F13A1: variants seen among roughly 807,000 people sequenced by gnomAD.
The protein encoded by F13A1 is FSF, A subunit.
In F13A1, 47 loss-of-function variants were observed where a neutral mutation model predicts 80.1. That is an observed-to-expected ratio of 0.59 (90% CI 0.46 to 0.75). The LOEUF is 0.75. F13A1 is among the 30% of genes least tolerant of loss of function. F13A1 has a pLI of 0.00. For missense variants in F13A1, 817 were observed against 930.4 expected (o/e 0.88, Z 1.59); for synonymous variants, 349 against 344.9 (o/e 1.01, Z -0.13).
chr6:6,240,335 G>GA (rs1273519918), intron 6 of F13A1, among the ~76,000 whole-genome samples: 2 of 152,070 alleles, frequency 1.3e-5, no homozygotes, highest in Non-Finnish European at 2.9e-5. Flanking sequence ...TACCATAAGA[G>GA]AAAAAAGATA....
At chr6:6,258,507 G>C (rs1470691356) in intron 4 of F13A1, among the ~76,000 whole-genome samples, 1 of 152,142 alleles carries the variant, frequency 6.6e-6, no homozygotes, top group Non-Finnish European at 1.5e-5. Flanking sequence ...GGGTGAATGT[G>C]TCTCTGCATT....
intron 3 of F13A1, among the ~76,000 whole-genome samples, chr6:6,285,720 A>T (rs1173863311): frequency 6.6e-6 from 1 of 152,246 alleles, no homozygotes; most frequent in Non-Finnish European, 1.5e-5. Context: ...GGCGACCATC[A>T]GGTGACGGTC....
intron 6 of F13A1, among the ~76,000 whole-genome samples, chr6:6,239,523 G>C (rs534207419): frequency 1.3e-5 from 2 of 152,058 alleles, no homozygotes; most frequent in Non-Finnish European, 2.9e-5. Context: ...TATAACTACC[G>C]ATATATGAAT....
At chr6:6,165,837 G>A (rs543551711) in intron 13 of F13A1, among the ~76,000 whole-genome samples, 70 of 152,366 alleles carry the variant, frequency 4.6e-4, no homozygotes, top group Middle Eastern at 3.4e-3. Flanking sequence ...ACCCTGCACA[G>A]CCTCGTTTTC....
At chr6:6,308,498 TAAAC>T (rs1397709753) in intron 2 of F13A1, among the ~76,000 whole-genome samples, 1 of 150,580 alleles carries the variant, frequency 6.6e-6, no homozygotes, top group African/African-American at 2.4e-5. Flanking sequence ...TCTTTTAAAA[TAAAC>T]AGTCTATTAT....
At position 6,165,078 on chromosome 6, in the gene F13A1, G is replaced by GC. The variant is rs779393050; in HGVS notation, c.1908+2379dup. 8.5e-5 allele frequency among the ~76,000 whole-genome samples: 13 copies of GC among 152,294 alleles called. No individual in the cohort carries two copies. The Middle Eastern group carries it at 0.01, about 120-fold the overall frequency. On this transcript the variant is annotated intron_variant, in intron 13 of 14. Transcript: ENST00000264870. ...GTTAAAGGACAGTTTATGGGATGAT[G>GC]CCCCATTCCACCTTTTTGAACAAAC...
At chr6:6,193,228 T>C (rs1761233089) in intron 10 of F13A1, among the ~76,000 whole-genome samples, 1 of 152,204 alleles carries the variant, frequency 6.6e-6, no homozygotes. Flanking sequence ...CATACCCCTC[T>C]TCTTTTTAGG....
In F13A1 at chr6:6,230,728, G is replaced by A. The variant is rs563438588; in HGVS notation, c.799-5868C>T. 3.9e-5 allele frequency among the ~76,000 whole-genome samples: 6 copies of A among 152,264 alleles called. No individual in the cohort carries two copies. In the South Asian group the frequency reaches 6.2e-4, roughly 16 times the overall value. ...CCTCCACCGGAATAGGCGCTATTCC[G>A]GTGGCTGAGAGGGACCCAGAGATGG... On this transcript the variant is annotated intron_variant, in intron 6 of 14. Transcript: ENST00000264870.
intron 14 of F13A1, among the ~76,000 whole-genome samples, chr6:6,149,096 T>C (rs1760330568): frequency 6.6e-6 from 1 of 151,980 alleles, no homozygotes; most frequent in Non-Finnish European, 1.5e-5. Context: ...GGTTGGCCAA[T>C]GAGAACAAAG....
chr6:6,194,625 G>A (rs1414401613), intron 10 of F13A1, among the ~76,000 whole-genome samples: 1 of 152,128 alleles, frequency 6.6e-6, no homozygotes, highest in Non-Finnish European at 1.5e-5. Context: ...TCATATGAAT[G>A]CAGATCTGTG....
intron 2 of F13A1, among the ~76,000 whole-genome samples, chr6:6,310,068 C>A (rs1758568635): frequency 6.6e-6 from 1 of 152,156 alleles, no homozygotes; most frequent in South Asian, 2.1e-4. Context: ...TACCTCCTAG[C>A]CTAGTGTACC....
chr6:6,167,606 G>T lies in F13A1; in HGVS notation c.1760C>A (p.Ala587Glu). ...GTACTCGCCGGCTTGGATCAGCACC[G>T]CCTCTTTCTTGACTAGTAGGAGAAA... is the stretch of plus-strand genomic sequence containing the variant. ...TLEPLSFKKE[A>E]VLIQAGEYMG... Residue 587 changes from alanine to glutamate, a missense_variant, in exon 13 of 15, where the codon GCG becomes GAG. By Grantham distance (107) the Ala-to-Glu change is moderately radical (BLOSUM62 -1). Coordinates refer to ENST00000264870, the MANE Select transcript of F13A1 (RefSeq NM_000129.4). 2.5e-6 allele frequency: 4 copies of T among 1,613,438 alleles called. No homozygotes were observed. Among genetic ancestry groups the T allele is most frequent in the Non-Finnish European group, 3.4e-6 (4 of 1,179,976 alleles).
At chr6:6,256,995 A>G (rs1045619935) in intron 4 of F13A1, among the ~76,000 whole-genome samples, 1 of 152,208 alleles carries the variant, frequency 6.6e-6, no homozygotes, top group African/African-American at 2.4e-5. Context: ...TTTAGAAGGA[A>G]TAATGGTTTG....
chr6:6,204,546 A>AATG (rs1761453349), intron 8 of F13A1, among the ~76,000 whole-genome samples: 1 of 152,186 alleles, frequency 6.6e-6, no homozygotes, highest in Non-Finnish European at 1.5e-5. Context: ...TGTTGACAAT[A>AATG]ATGACAGGAC....
At chr6:6,256,605 G>C (rs1260876393) in intron 4 of F13A1, among the ~76,000 whole-genome samples, 1 of 152,036 alleles carries the variant, frequency 6.6e-6, no homozygotes, top group Non-Finnish European at 1.5e-5. Context: ...GGAATGGAAG[G>C]GTAGTTAAAA....
chr6:6,266,776 A>G lies in F13A1; in HGVS notation c.353T>C (p.Ile118Thr), dbSNP rs759210544. ...RYPQENKGTY[I>T]PVPIVSELQS... ...TAACTCTGAGACTATAGGCACTGGG[A>G]TGTAGGTTCCCTTGTTCTCCTGTGG... The change falls in exon 4 of 15, where the codon ATC (isoleucine) becomes ACC (threonine). Residue 118 changes from isoleucine to threonine, a missense_variant. Ile to Thr is a moderately conservative substitution (Grantham distance 89). Coordinates refer to ENST00000264870, the MANE Select transcript of F13A1 (RefSeq NM_000129.4). 6.2e-7 allele frequency: 1 copy of G among 1,614,158 alleles called. No individual in the cohort carries two copies. Among genetic ancestry groups the G allele is most frequent in the Non-Finnish European group, 8.5e-7 (1 of 1,180,020 alleles).
rs899399406 is a variant in F13A1, at chr6:6,195,824, T to C, written c.1278A>G (p.Gln426=). 1 of 1,614,012 alleles carries C rather than the reference T, an allele frequency of 6.2e-7. No individual in the cohort carries two copies. The highest frequency in any genetic ancestry group is 8.5e-7 in the Non-Finnish European group (1 of 1,180,020). The change falls in exon 10 of 15, where the codon CAA becomes CAG. Residue 426 remains glutamine, a synonymous_variant. Transcript: ENST00000264870. ...QAIKHGHVCF[Q]FDAPFVFAEV... ...CTGCAAAAACAAAAGGTGCATCAAA[T>C]TGGAAGCAGACATGGCCGTGCTTGA...
intron 3 of F13A1, among the ~76,000 whole-genome samples, chr6:6,298,416 A>G (rs1055038837): frequency 1.3e-5 from 2 of 150,180 alleles, no homozygotes; most frequent in African/African-American, 5.0e-5. Context: ...GACTTGCTTT[A>G]TGAATCTTGG....
In F13A1 at chr6:6,309,116, A is replaced by G. The variant is rs537703267; in HGVS notation, c.131-3577T>C. The stretch of plus-strand genomic sequence containing the variant: ...CCCTAAGTATGCATTTAATATATTT[A>G]ATATTCTCCCTAGCTTCTTGTCCTC... On this transcript the variant is annotated intron_variant, in intron 2 of 14. Coordinates refer to ENST00000264870, the MANE Select transcript of F13A1 (RefSeq NM_000129.4). 7.2e-5 allele frequency among the ~76,000 whole-genome samples: 11 copies of G among 152,280 alleles called. No individual in the cohort carries two copies. The East Asian group carries it at 1.7e-3, about 24-fold the overall frequency.
Sources: gnomAD v4.1 joint callset for allele counts (sites outside exome capture counted in the v4.1 genomes callset) on GRCh38, gnomAD v4.1.1 for gene constraint, MANE v1.5 for transcripts, NCBI Gene and HGNC (gene_info 2026-07-23, HGNC 2026-07-21) for gene names.